The following ENTPD1 variants were observed in gnomAD, a reference collection of about 807,000 sequenced individuals.
ENTPD1 encodes ATP diphosphohydrolase.
A neutral mutation model predicts 57.0 loss-of-function variants in ENTPD1; 33 were observed. The ratio of observed to expected loss-of-function variants is 0.58; its 90% CI spans 0.44 to 0.77. ENTPD1 has a LOEUF of 0.77. ENTPD1 is among the 30% of genes least tolerant of loss of function. The pLI, the probability that ENTPD1 is intolerant of heterozygous loss-of-function variation, is 0.00. For synonymous variants in ENTPD1, 202 were observed against 218.8 expected, an observed-to-expected ratio of 0.92 and a Z score of 0.68; for missense variants, 501 against 603.4, an observed-to-expected ratio of 0.83 and a Z score of 1.78.
chr10:95,738,840 TGAG>T (rs1486989578), intron 1 of ENTPD1, among the ~76,000 whole-genome samples: 2 of 152,274 alleles, frequency 1.3e-5, no homozygotes, highest in South Asian at 2.1e-4. Context: ...AGGATTTAGA[TGAG>T]GAGGAGAGAA....
intron 1 of ENTPD1, among the ~76,000 whole-genome samples, chr10:95,773,469 A>T (rs757737694): frequency 1.8e-4 from 27 of 152,054 alleles, no homozygotes; most frequent in Non-Finnish European, 2.6e-4. Flanking sequence ...TATTCAGTAA[A>T]CCTTACTGTA....
chr10:95,863,206 A>G (rs887926629), intron 8 of ENTPD1, among the ~76,000 whole-genome samples: 1 of 152,204 alleles, frequency 6.6e-6, no homozygotes, highest in Non-Finnish European at 1.5e-5. Flanking sequence ...GGGGAATAGG[A>G]GTATTAAAGA....
chr10:95,715,524 C>A (rs2097970587), intron 1 of ENTPD1, among the ~76,000 whole-genome samples: 1 of 151,544 alleles, frequency 6.6e-6, no homozygotes, highest in East Asian at 1.9e-4. Flanking sequence ...TTTGATTAAA[C>A]TGTTTAGTTC....
At chr10:95,793,810 A>T (rs2098215653) in intron 1 of ENTPD1, among the ~76,000 whole-genome samples, 2 of 152,088 alleles carry the variant, frequency 1.3e-5, no homozygotes, top group African/African-American at 4.8e-5. Context: ...AAGCAGAAGA[A>T]ACCAGAACTA....
intron 1 of ENTPD1, among the ~76,000 whole-genome samples, chr10:95,746,339 G>A (rs1229596541): frequency 6.6e-6 from 1 of 152,032 alleles, no homozygotes; most frequent in Non-Finnish European, 1.5e-5. Context: ...TTAAAAAAAA[G>A]ACCTTTATTT....
chr10:95,730,922 C>T (rs1378005065), intron 1 of ENTPD1, among the ~76,000 whole-genome samples: 2 of 152,202 alleles, frequency 1.3e-5, no homozygotes, highest in East Asian at 3.8e-4. Flanking sequence ...TCTTACTCTA[C>T]TGTGAAGGTG....
At chr10:95,835,561 G>A (rs1308527989) in intron 2 of ENTPD1, among the ~76,000 whole-genome samples, 1 of 152,164 alleles carries the variant, frequency 6.6e-6, no homozygotes, top group Non-Finnish European at 1.5e-5. Context: ...CACCAACAGT[G>A]TGTAAGCATT....
In ENTPD1 at chr10:95,845,741, C is replaced by T; in HGVS notation, c.813+145C>T. On this transcript the variant is annotated intron_variant, in intron 6 of 9. Coordinates refer to ENST00000371205, the MANE Select transcript of ENTPD1 (RefSeq NM_001776.6). ...CCTTTTTAGGCAGGATATTGAACTA[C>T]ATCTGGTTGACCCCTATAAATTGTT... 3.6e-6 allele frequency: 5 copies of T among 1,379,988 alleles called. No individual in the cohort carries two copies. In the South Asian group the frequency reaches 3.6e-5, roughly 10 times the overall value. 85.5% of individuals were successfully genotyped at this position (1,379,988 alleles called of 1,614,324 possible).
At chr10:95,733,295 C>T (rs935184915) in intron 1 of ENTPD1, among the ~76,000 whole-genome samples, 51 of 152,332 alleles carry the variant, frequency 3.3e-4, no homozygotes, top group East Asian at 5.8e-4. Context: ...TAATGGTTAT[C>T]GCCCTTGTTC....
At chr10:95,732,796 A>G (rs1010754178) in intron 1 of ENTPD1, among the ~76,000 whole-genome samples, 1 of 152,170 alleles carries the variant, frequency 6.6e-6, no homozygotes, top group African/African-American at 2.4e-5. Flanking sequence ...CAAAACCAGC[A>G]AGTTTTTATT....
At chr10:95,710,797 T>C (rs2097964945), upstream of ENTPD1, among the ~76,000 whole-genome samples, 1 of 152,206 alleles carries the variant, frequency 6.6e-6, no homozygotes, top group African/African-American at 2.4e-5. Flanking sequence ...TGAATCTGTG[T>C]AATTTTGACT....
In ENTPD1 at chr10:95,842,317, A is replaced by G. The variant is rs967223513; in HGVS notation, c.263-27A>G. The G allele has an allele frequency of 2.5e-6, 4 of 1,596,948 alleles. No homozygotes were observed. In the South Asian group the frequency reaches 3.3e-5, roughly 13 times the overall value. On this transcript the variant is annotated intron_variant, in intron 3 of 9. Coordinates refer to ENST00000371205, the MANE Select transcript of ENTPD1 (RefSeq NM_001776.6). Reference sequence around the variant, plus strand: ...ATGTTTTATAATTTTTTTTTAAAAGATTGTTATCTTCTACATTTTTTCCTA... The same window carrying G: ...ATGTTTTATAATTTTTTTTTAAAAGGTTGTTATCTTCTACATTTTTTCCTA...
At chr10:95,795,824 G>A (rs1445054223) in intron 1 of ENTPD1, among the ~76,000 whole-genome samples, 1 of 152,180 alleles carries the variant, frequency 6.6e-6, no homozygotes, top group African/African-American at 2.4e-5. Flanking sequence ...AACCATGTTT[G>A]CTAAGGAACG....
intron 4 of ENTPD1, among the ~76,000 whole-genome samples, chr10:95,843,551 C>T (rs2098426780): frequency 6.6e-6 from 1 of 152,206 alleles, no homozygotes; most frequent in Admixed American, 6.5e-5. Context: ...AGGTCACACA[C>T]CTGGGAAGTG....
intron 4 of ENTPD1, among the ~76,000 whole-genome samples, chr10:95,843,774 T>C (rs1019894781): frequency 6.6e-6 from 1 of 152,114 alleles, no homozygotes; most frequent in East Asian, 1.9e-4. Flanking sequence ...GTGGACGCCA[T>C]TTAGATGAGA....
chr10:95,772,509 A>T (rs2140107793), intron 1 of ENTPD1, among the ~76,000 whole-genome samples: 1 of 152,322 alleles, frequency 6.6e-6, no homozygotes, highest in Non-Finnish European at 1.5e-5. Context: ...CATCCATAAG[A>T]AGCAACTCCA....
chr10:95,851,600 C>G (rs1282572302), intron 7 of ENTPD1, among the ~76,000 whole-genome samples: 1 of 121,444 alleles, frequency 8.2e-6, no homozygotes, highest in African/African-American at 3.1e-5. Flanking sequence ...CCACGACAGT[C>G]CCCGGTGTGT....
intron 1 of ENTPD1, among the ~76,000 whole-genome samples, chr10:95,811,632 A>T (rs2098308307): frequency 6.6e-6 from 1 of 152,152 alleles, no homozygotes; most frequent in Non-Finnish European, 1.5e-5. Flanking sequence ...TCAAGTGATT[A>T]TTCTGCCTCG....
chr10:95,706,939 C>T (rs1933171), upstream of ENTPD1, among the ~76,000 whole-genome samples: 127,656 of 151,924 alleles, frequency 0.84, 54,196 homozygotes, highest in Non-Finnish European at 0.91. Context: ...GAGCAGGCGC[C>T]GGGAGAGAAG....
Sources: gnomAD v4.1 joint callset for allele counts (sites outside exome capture counted in the v4.1 genomes callset) on GRCh38, gnomAD v4.1.1 for gene constraint, MANE v1.5 for transcripts, NCBI Gene and HGNC (gene_info 2026-07-23, HGNC 2026-07-21) for gene names.